The following LRTM3 variants were observed in gnomAD, a reference collection of about 807,000 sequenced individuals.
The protein encoded by LRTM3 is leucine-rich repeat transmembrane protein 3.
chr13:102,732,895 C>G, the LRTM3 span: 1 of 1,551,370 alleles, frequency 6.4e-7, no homozygotes, highest in Non-Finnish European at 8.7e-7. Flanking sequence ...GTTTTTCCTC[C>G]AGATCCCCTG....
chr13:102,755,217 C>A, the LRTM3 span, among the ~76,000 whole-genome samples: 22 of 150,670 alleles, frequency 1.5e-4, no homozygotes, highest in Middle Eastern at 3.4e-3. Flanking sequence ...TCCTCTCTGC[C>A]CCCCCAGCTA....
At chr13:102,735,181 C>G in the LRTM3 span, 1 of 1,551,290 alleles carries the variant, frequency 6.4e-7, no homozygotes. Context: ...TGAAACTGTG[C>G]GTATGTAAGA....
chr13:102,735,937 CAA>C, the LRTM3 span: 5 of 1,543,938 alleles, frequency 3.2e-6, no homozygotes, highest in South Asian at 1.2e-5. Flanking sequence ...CTTCAATGTG[CAA>C]AGAGTAGTTC....
At chr13:102,735,787 TTG>T in the LRTM3 span, 1 of 1,542,926 alleles carries the variant, frequency 6.5e-7, no homozygotes, top group South Asian at 1.2e-5. Context: ...GAAAACTGAA[TTG>T]TGTTTTTCCT....
the LRTM3 span, chr13:102,742,649 G>A: frequency 2.6e-6 from 4 of 1,550,480 alleles, no homozygotes; most frequent in African/African-American, 4.1e-5. Context: ...GCTTACAACA[G>A]CATAACCTGC....
At chr13:102,730,149 C>T in the LRTM3 span, 2 of 1,549,934 alleles carry the variant, frequency 1.3e-6, no homozygotes, top group Non-Finnish European at 1.7e-6. Flanking sequence ...ATTAAGGTTT[C>T]CTTTCTGCAC....
At chr13:102,750,057 C>A in the LRTM3 span, 1 of 1,550,320 alleles carries the variant, frequency 6.5e-7, no homozygotes, top group South Asian at 1.2e-5. Flanking sequence ...AAGCTAAGAT[C>A]AGAAGAAAAT....
the LRTM3 span, among the ~76,000 whole-genome samples, chr13:102,756,435 G>T: frequency 6.6e-6 from 1 of 151,670 alleles, no homozygotes; most frequent in Non-Finnish European, 1.5e-5. Flanking sequence ...CACTTTGAGA[G>T]GCCCAGGTAG....
the LRTM3 span, chr13:102,745,154 T>C: frequency 3.2e-6 from 5 of 1,550,678 alleles, no homozygotes; most frequent in African/African-American, 1.4e-5. Context: ...GTTTTCTAAT[T>C]TGTGAAAGTC....
At chr13:102,735,186 G>A in the LRTM3 span, 2 of 1,551,202 alleles carry the variant, frequency 1.3e-6, no homozygotes, top group Non-Finnish European at 1.7e-6. Flanking sequence ...CTGTGCGTAT[G>A]TAAGACAGGC....
chr13:102,733,373 G>A, the LRTM3 span: 1 of 1,551,270 alleles, frequency 6.4e-7, no homozygotes, highest in Non-Finnish European at 8.7e-7. Context: ...ACATGAACCT[G>A]CAAGTTCTGG....
the LRTM3 span, chr13:102,743,689 G>T: frequency 6.5e-7 from 1 of 1,546,988 alleles, no homozygotes; most frequent in Non-Finnish European, 8.7e-7. Flanking sequence ...GATTTTCTTG[G>T]CACTTTCTGT....
At chr13:102,757,964 T>G in the LRTM3 span, among the ~76,000 whole-genome samples, 3 of 152,242 alleles carry the variant, frequency 2.0e-5, no homozygotes, top group South Asian at 6.2e-4. Flanking sequence ...ATTATGTCAG[T>G]ATTTAATCCC....
chr13:102,750,136 A>G, the LRTM3 span: 1 of 1,551,258 alleles, frequency 6.4e-7, no homozygotes, highest in Non-Finnish European at 8.7e-7. Flanking sequence ...GTATTGTTTC[A>G]TATTCTCTGT....
chr13:102,756,933 G>A, the LRTM3 span, among the ~76,000 whole-genome samples: 1 of 152,068 alleles, frequency 6.6e-6, no homozygotes, highest in Non-Finnish European at 1.5e-5. Context: ...ATAGGACACG[G>A]GGATGGAAAA....
the LRTM3 span, chr13:102,741,287 CT>C: frequency 6.5e-7 from 1 of 1,550,124 alleles, no homozygotes. Flanking sequence ...ATTTTCTTTT[CT>C]TGCTGTATTC....
the LRTM3 span, chr13:102,747,111 C>T: frequency 6.4e-7 from 1 of 1,550,896 alleles, no homozygotes; most frequent in East Asian, 2.4e-5. Context: ...TGCAATTTAG[C>T]ATCTAGTGTG....
chr13:102,737,511 G>T, the LRTM3 span: 2 of 1,550,170 alleles, frequency 1.3e-6, no homozygotes, highest in South Asian at 1.2e-5. Flanking sequence ...CTGTTCCCTT[G>T]CTCCTCACCT....
chr13:102,742,039 C>G, the LRTM3 span: 1 of 1,550,492 alleles, frequency 6.4e-7, no homozygotes, highest in Non-Finnish European at 8.7e-7. Context: ...GTTTCTCCAG[C>G]TTTGGCTGTG....
Sources: allele counts gnomAD v4.1 joint callset (sites outside exome capture counted in the v4.1 genomes callset), GRCh38; gene constraint gnomAD v4.1.1; transcripts MANE v1.5; gene names NCBI Gene and HGNC (gene_info 2026-07-23, HGNC 2026-07-21).